The following RXRA variants were observed in gnomAD, a reference collection of about 807,000 sequenced individuals.
The protein encoded by RXRA is retinoid X receptor alpha.
Under a neutral mutation model 44.5 loss-of-function variants are expected in RXRA, and 5 were observed. The observed-to-expected ratio is 0.11, with a 90% CI of 0.06 to 0.24. RXRA has a LOEUF of 0.24. RXRA is among the 10% of genes least tolerant of loss of function. RXRA has a pLI of 1.00. For synonymous variants in RXRA, 291 were observed against 271.4 expected (o/e 1.07, Z -0.71); for missense variants, 412 against 646.5 (o/e 0.64, Z 3.93).
chr9:134,368,709 A>G (rs1830446541), intron 1 of RXRA, among the ~76,000 whole-genome samples: 2 of 148,822 alleles, frequency 1.3e-5, no homozygotes, highest in Non-Finnish European at 1.5e-5. Context: ...GTGTGGATGT[A>G]TGTGTGACTT....
In RXRA at chr9:134,387,751, C is replaced by T. The variant is rs377310987; in HGVS notation, c.29-13881C>T. Among the ~76,000 whole-genome samples the T allele has an allele frequency of 9.2e-5, 14 of 152,346 alleles. No individual in the cohort carries two copies. In the South Asian group the frequency reaches 1.4e-3, roughly 16 times the overall value. Reference sequence around the variant, plus strand: ...TGCCTGCCTCGCACACTTGTCCCGGCGCCAGCCCTGACTAGCTGGTGACCA... The same window carrying T: ...TGCCTGCCTCGCACACTTGTCCCGGTGCCAGCCCTGACTAGCTGGTGACCA... On this transcript the variant is annotated intron_variant, in intron 1 of 9. Transcript: ENST00000481739.
Position 134,412,218 on chromosome 9 carries a change from G to A in RXRA, c.610+3099G>A, listed in dbSNP as rs1831160929. Among the ~76,000 whole-genome samples the A allele has an allele frequency of 2.6e-5, 4 of 152,362 alleles. No homozygotes were observed. The South Asian group carries it at 8.3e-4, about 32-fold the overall frequency. On this transcript the variant is annotated intron_variant, in intron 4 of 9. Coordinates refer to ENST00000481739, the MANE Select transcript of RXRA (RefSeq NM_002957.6). ...CAACACTAGGTGCCTGTGGCCCAGA[G>A]CATGCAGGATGGGAGCTGTCGGCTC...
chr9:134,394,351 T>C (rs1221768473), intron 1 of RXRA, among the ~76,000 whole-genome samples: 2 of 151,966 alleles, frequency 1.3e-5, no homozygotes, highest in Non-Finnish European at 2.9e-5. Flanking sequence ...AGTTTTATAA[T>C]CAAGAGTGGT....
At chr9:134,432,989 G>A (rs1185857787) in intron 8 of RXRA, among the ~76,000 whole-genome samples, 1 of 152,150 alleles carries the variant, frequency 6.6e-6, no homozygotes, top group Admixed American at 6.5e-5. Context: ...AGGTGGCTGG[G>A]GTGTGGAGGG....
chr9:134,411,324 C>T (rs1831145149), intron 4 of RXRA, among the ~76,000 whole-genome samples: 1 of 98,362 alleles, frequency 1.0e-5, no homozygotes, highest in South Asian at 3.0e-4. Context: ...AGTGTTGGGG[C>T]TGGGGGGACC....
At chr9:134,361,246 C>T (rs769723437) in intron 1 of RXRA, among the ~76,000 whole-genome samples, 2 of 152,194 alleles carry the variant, frequency 1.3e-5, no homozygotes, top group African/African-American at 4.8e-5. Context: ...ACCTGGAGAC[C>T]CTTTTCAATG....
Position 134,371,023 on chromosome 9 carries a change from T to C in RXRA, c.29-30609T>C, listed in dbSNP as rs146786257. On this transcript the variant is annotated intron_variant, in intron 1 of 9. Coordinates refer to ENST00000481739, the MANE Select transcript of RXRA (RefSeq NM_002957.6). ...GGCCGCATCAGCCTCACTTGAGGGC[T>C]GAGTGCTGAAGACAGTGTGGGGGGC... is the stretch of plus-strand genomic sequence containing the variant. 9.0e-4 allele frequency among the ~76,000 whole-genome samples: 136 copies of C among 151,674 alleles called. 2 individuals are homozygous for C. The East Asian group carries it at 0.02, about 22-fold the overall frequency.
intron 1 of RXRA, among the ~76,000 whole-genome samples, chr9:134,333,025 C>A (rs75723204): frequency 0.051 from 7,826 of 152,186 alleles, 662 homozygotes; most frequent in African/African-American, 0.18. Context: ...TCCGGCCCCC[C>A]CTGCACTCCC....
At chr9:134,358,688 G>A (rs541076595) in intron 1 of RXRA, among the ~76,000 whole-genome samples, 9 of 152,142 alleles carry the variant, frequency 5.9e-5, no homozygotes, top group African/African-American at 9.6e-5. Flanking sequence ...CTCCCTGGTC[G>A]TCTGCAGGAC....
chr9:134,395,401 C>T (rs1830862812), intron 1 of RXRA, among the ~76,000 whole-genome samples: 1 of 152,248 alleles, frequency 6.6e-6, no homozygotes, highest in Non-Finnish European at 1.5e-5. Context: ...CTTGGGGCAT[C>T]TCTGCATGTG....
Position 134,342,973 on chromosome 9 carries a change from C to T in RXRA, c.28+16314C>T, listed in dbSNP as rs115822037. On this transcript the variant is annotated intron_variant, in intron 1 of 9. Transcript: ENST00000481739. The surrounding 1 kb of genome is among the most constrained non-coding windows in gnomAD (Gnocchi z 4.4). ...AATCCTTTGATTAGAGGCCAGGAAACCCAATCCCGCAGCCTAGGCAGTGGG... is the reference window on the plus strand; with the variant it reads ...AATCCTTTGATTAGAGGCCAGGAAATCCAATCCCGCAGCCTAGGCAGTGGG... Among the ~76,000 whole-genome samples, 618 of 152,256 alleles carry T rather than the reference C, an allele frequency of 4.1e-3. 5 individuals are homozygous for T. Among genetic ancestry groups the T allele is most frequent in the African/African-American group, 0.014 (573 of 41,562 alleles).
Position 134,408,995 on chromosome 9 carries a change from G to A in RXRA, c.486G>A (p.Thr162=), listed in dbSNP as rs149298680. 13 of 1,608,656 alleles carry A rather than the reference G, an allele frequency of 8.1e-6. No individual in the cohort carries two copies. Among genetic ancestry groups the A allele is most frequent in the South Asian group, 2.2e-5 (2 of 90,610 alleles). ...CEGCKGFFKR[T]VRKDLTYTCR... ...GGTGCAAGGGCTTCTTCAAGCGGAC[G>A]GTGCGCAAGGACCTGACCTACACCT... The change falls in exon 4 of 10, where the codon ACG becomes ACA. Residue 162 remains threonine, a synonymous_variant. Coordinates refer to ENST00000481739, the MANE Select transcript of RXRA (RefSeq NM_002957.6).
At chr9:134,412,586 C>T (rs1831167062) in intron 4 of RXRA, among the ~76,000 whole-genome samples, 1 of 152,180 alleles carries the variant, frequency 6.6e-6, no homozygotes, top group African/African-American at 2.4e-5. Flanking sequence ...AGGCAGCCAC[C>T]AGGAGGGACT....
intron 1 of RXRA, among the ~76,000 whole-genome samples, chr9:134,361,989 T>C (rs1214740308): frequency 6.6e-6 from 1 of 152,158 alleles, no homozygotes; most frequent in African/African-American, 2.4e-5. Context: ...GGTCCTCCCC[T>C]CCTGCTGGGC....
At chr9:134,416,160 CT>C (rs1460976689) in intron 4 of RXRA, among the ~76,000 whole-genome samples, 2 of 152,262 alleles carry the variant, frequency 1.3e-5, no homozygotes, top group Admixed American at 1.3e-4. Context: ...TCCCCCGGCA[CT>C]TGGGATCCCC....
chr9:134,337,064 C>T (rs1034101593), intron 1 of RXRA, among the ~76,000 whole-genome samples: 1 of 152,160 alleles, frequency 6.6e-6, no homozygotes, highest in African/African-American at 2.4e-5. Context: ...GGAGAGGCCC[C>T]AGCAGTGCTC....
intron 6 of RXRA, chr9:134,424,709 G>A (rs1043186906): frequency 1.0e-5 from 10 of 985,350 alleles, no homozygotes; most frequent in Admixed American, 6.1e-5. Context: ...GCCTGCACTG[G>A]CCAGGTGGCT....
At chr9:134,334,506 G>C (rs1477292241) in intron 1 of RXRA, among the ~76,000 whole-genome samples, 2 of 152,270 alleles carry the variant, frequency 1.3e-5, no homozygotes, top group African/African-American at 4.8e-5. Flanking sequence ...GTCATTGACT[G>C]CCGCAGTGAT....
intron 1 of RXRA, among the ~76,000 whole-genome samples, chr9:134,347,237 A>G (rs1830164049): frequency 2.0e-5 from 3 of 152,190 alleles, no homozygotes; most frequent in African/African-American, 7.2e-5. Flanking sequence ...GAGCAGGTAG[A>G]GAAAGGGTTA....
Sources: gnomAD v4.1 joint callset for allele counts (sites outside exome capture counted in the v4.1 genomes callset) on GRCh38, gnomAD v4.1.1 for gene constraint, Gnocchi (gnomAD v3.1) non-coding constraint, MANE v1.5 for transcripts, NCBI Gene and HGNC (gene_info 2026-07-23, HGNC 2026-07-21) for gene names.